RALGAPA2: variants seen among roughly 807,000 people sequenced by gnomAD.
RALGAPA2 encodes Ral GTPase activating protein catalytic subunit alpha 2, also known as ral GTPase-activating protein subunit alpha-2.
In RALGAPA2, 139 loss-of-function variants were observed where a neutral mutation model predicts 230.4. The ratio of observed to expected loss-of-function variants is 0.60; its 90% CI spans 0.53 to 0.69. The LOEUF is 0.69. RALGAPA2 is among the 30% of genes least tolerant of loss of function. The probability of loss-of-function intolerance (pLI) is 0.00; values close to 1 mark genes in which losing one functional copy is unlikely to be tolerated. For missense variants in RALGAPA2, 2,163 were observed against 2,276.0 expected, an observed-to-expected ratio of 0.95 and a Z score of 1.01; for synonymous variants, 847 against 837.8, an observed-to-expected ratio of 1.01 and a Z score of -0.19.
At chr20:20,547,779 A>G (rs1237287100) in intron 23 of RALGAPA2, among the ~76,000 whole-genome samples, 1 of 152,212 alleles carries the variant, frequency 6.6e-6, no homozygotes, top group Non-Finnish European at 1.5e-5. Context: ...GATACATTCT[A>G]AGAAATGTGC....
chr20:20,473,048 G>A (rs777986396), intron 36 of RALGAPA2, 92 bp from the exon 37 acceptor site: 2 of 1,352,548 alleles, frequency 1.5e-6, no homozygotes, highest in Non-Finnish European at 2.0e-6. Context: ...GACCTGCAAT[G>A]AGCACTTAAG....
At chr20:20,401,304 A>G (rs2059830914) in intron 38 of RALGAPA2, among the ~76,000 whole-genome samples, 1 of 152,120 alleles carries the variant, frequency 6.6e-6, no homozygotes, top group Admixed American at 6.5e-5. Context: ...TTTAGAAGAA[A>G]AATCCCCTGG....
At chr20:20,700,508 G>C (rs2069310431) in intron 1 of RALGAPA2, among the ~76,000 whole-genome samples, 1 of 152,138 alleles carries the variant, frequency 6.6e-6, no homozygotes, top group African/African-American at 2.4e-5. Flanking sequence ...GTCTTTGATT[G>C]GGGGATGGGG....
rs746621936 is a variant in RALGAPA2 at position 20,582,183 on chromosome 20, T to TGC, written c.2707+866_2707+867insGC. Among the ~76,000 whole-genome samples the TGC allele has an allele frequency of 2.7e-3, 403 of 151,610 alleles. 2 individuals carry two copies. Among genetic ancestry groups the TGC allele is most frequent in the Non-Finnish European group, 3.8e-3 (255 of 67,598 alleles). On this transcript the variant is annotated intron_variant, in intron 20 of 39. Transcript: ENST00000202677. Reference sequence around the variant, plus strand: ...CACAGTGTGTGTGTGTGTGTGTGTGTGTGTGTGTGTGTGTCTGTGTGTGTG... The same window carrying TGC: ...CACAGTGTGTGTGTGTGTGTGTGTGTGCGTGTGTGTGTGTGTCTGTGTGTGTG...
At chr20:20,442,333 C>A (rs546883824) in intron 37 of RALGAPA2, among the ~76,000 whole-genome samples, 1 of 152,350 alleles carries the variant, frequency 6.6e-6, no homozygotes, top group African/African-American at 2.4e-5. Flanking sequence ...GAATGTTCTA[C>A]ACTTTCAGAT....
At chr20:20,625,132 C>T (rs1483946013) in intron 10 of RALGAPA2, among the ~76,000 whole-genome samples, 2 of 152,110 alleles carry the variant, frequency 1.3e-5, no homozygotes, top group East Asian at 3.9e-4. Context: ...GGCCTATCTG[C>T]ACCCACCTGT....
rs2063142273 is a variant in RALGAPA2, at chr20:20,524,506, C to T, written c.3800G>A (p.Cys1267Tyr). The change falls in exon 30 of 40, where the codon TGC (cysteine) becomes TAC (tyrosine). Residue 1267 changes from cysteine to tyrosine, a missense_variant. Cys to Tyr is a radical substitution (Grantham distance 194). Transcript: ENST00000202677. ...VSLLLCLLDWCMALPVSVLLH... is the reference protein window; with the variant it reads ...VSLLLCLLDWYMALPVSVLLH... Reference sequence around the variant, plus strand: ...AAGGACACTCACGGGCAATGCCATGCACCAGTCCAAGAGGCAGAGTAGCAA... The same window carrying T: ...AAGGACACTCACGGGCAATGCCATGTACCAGTCCAAGAGGCAGAGTAGCAA... 6.2e-7 allele frequency: 1 copy of T among 1,613,874 alleles called. No individual in the cohort carries two copies. Among genetic ancestry groups the T allele is most frequent in the Non-Finnish European group, 8.5e-7 (1 of 1,179,834 alleles).
intron 5 of RALGAPA2, among the ~76,000 whole-genome samples, chr20:20,642,103 AGAGGGGAGGGGAGGG>A (rs1194114381): frequency 3.0e-4 from 20 of 66,612 alleles, no homozygotes; most frequent in African/African-American, 1.3e-3. Flanking sequence ...CATCAGACCG[AGAGGGGAGGGGAGGG>A]GAGGGGAGGG....
At position 20,513,002 on chromosome 20, in the gene RALGAPA2, A is replaced by C. The variant is rs747832462; in HGVS notation, c.4367T>G (p.Leu1456Arg). The C allele has an allele frequency of 1.2e-6, 2 of 1,613,760 alleles. No homozygotes were observed. Among genetic ancestry groups the C allele is most frequent in the Non-Finnish European group, 1.7e-6 (2 of 1,179,770 alleles). Residue 1456 changes from leucine to arginine, a missense_variant, in exon 32 of 40, where the codon CTC becomes CGC. Leu to Arg is a moderately radical substitution (Grantham distance 102). Transcript: ENST00000202677. ...CCTCACAATTACTCTCACATCAGAG[A>C]GAGAGCCCACTGGTGATCCCCCTAC... The part of the protein sequence containing the change: ...GPVGGSPVGS[L>R]SDVRVIVRDI...
chr20:20,703,732 C>T (rs1240367381), intron 1 of RALGAPA2, among the ~76,000 whole-genome samples: 2 of 152,182 alleles, frequency 1.3e-5, no homozygotes, highest in African/African-American at 4.8e-5. Context: ...GATCCTTTAA[C>T]TCTGGAGTCA....
intron 37 of RALGAPA2, among the ~76,000 whole-genome samples, chr20:20,430,916 A>G (rs1489218437): frequency 6.6e-6 from 1 of 152,122 alleles, no homozygotes; most frequent in African/African-American, 2.4e-5. Flanking sequence ...TGGAGGACAT[A>G]AAGACGTTAA....
intron 23 of RALGAPA2, among the ~76,000 whole-genome samples, chr20:20,566,030 C>T (rs6132316): frequency 6.6e-6 from 1 of 152,172 alleles, no homozygotes; most frequent in East Asian, 1.9e-4. Context: ...GAACACCCAG[C>T]CACATCACAA....
At chr20:20,557,042 G>A (rs1262062042) in intron 23 of RALGAPA2, among the ~76,000 whole-genome samples, 1 of 152,114 alleles carries the variant, frequency 6.6e-6, no homozygotes, top group African/African-American at 2.4e-5. Context: ...GAGCGTGATG[G>A]CTTATGCCTG....
At chr20:20,412,662 C>G (rs7263547) in intron 37 of RALGAPA2, among the ~76,000 whole-genome samples, 6,158 of 152,206 alleles carry the variant, frequency 0.04, 170 homozygotes, top group Middle Eastern at 0.099. Flanking sequence ...GCATCAGAGC[C>G]TCTAACCAAG....
chr20:20,452,563 A>G (rs2061011672), intron 37 of RALGAPA2, among the ~76,000 whole-genome samples: 1 of 152,220 alleles, frequency 6.6e-6, no homozygotes, highest in Non-Finnish European at 1.5e-5. Context: ...CACATCCGAC[A>G]TTGTACGGAG....
At chr20:20,676,513 C>A (rs965301264) in intron 2 of RALGAPA2, among the ~76,000 whole-genome samples, 2 of 148,550 alleles carry the variant, frequency 1.3e-5, no homozygotes, top group East Asian at 4.1e-4. Context: ...GCTGTTTGAA[C>A]ACAGCTTCCA....
intron 23 of RALGAPA2, among the ~76,000 whole-genome samples, chr20:20,551,993 T>A (rs2063938740): frequency 6.6e-6 from 1 of 152,176 alleles, no homozygotes; most frequent in South Asian, 2.1e-4. Context: ...GCCATTTCAA[T>A]TCAAAATATT....
chr20:20,655,481 T>C (rs901950602), intron 3 of RALGAPA2, among the ~76,000 whole-genome samples: 2 of 152,050 alleles, frequency 1.3e-5, no homozygotes, highest in African/African-American at 4.8e-5. Context: ...ATTCGCCTAG[T>C]GGATAGGGAC....
intron 37 of RALGAPA2, among the ~76,000 whole-genome samples, chr20:20,465,197 A>ACACACACACACACACACT (rs772089136): frequency 3.3e-4 from 48 of 147,430 alleles, no homozygotes; most frequent in East Asian, 1.9e-3. Flanking sequence ...ACACACACAC[A>ACACACACACACACACACT]CTCTCTCATA....
Sources: gnomAD v4.1 joint callset for allele counts (sites outside exome capture counted in the v4.1 genomes callset) on GRCh38, gnomAD v4.1.1 for gene constraint, MANE v1.5 for transcripts, NCBI Gene and HGNC (gene_info 2026-07-23, HGNC 2026-07-21) for gene names.